Variants in PRPSAP1 observed in about 807,000 individuals in gnomAD.
PRPSAP1 encodes phosphoribosyl pyrophosphate synthetase associated protein 1, also known as phosphoribosyl pyrophosphate synthase-associated protein 1.
PRPSAP1 carries 31 observed loss-of-function variants against 39.4 expected under a neutral mutation model. The ratio of observed to expected loss-of-function variants is 0.79; its 90% CI spans 0.59 to 1.06. The LOEUF (loss-of-function observed/expected upper bound fraction) is 1.06, where lower values mean the gene tolerates loss of function less well. Among genes scored for constraint, PRPSAP1 ranks in the 50% least tolerant of loss-of-function variants. The pLI, the probability that PRPSAP1 is intolerant of heterozygous loss-of-function variation, is 0.00. For synonymous variants in PRPSAP1, 212 were observed against 192.6 expected, an observed-to-expected ratio of 1.10 and a Z score of -0.83; for missense variants, 430 against 511.6, an observed-to-expected ratio of 0.84 and a Z score of 1.54.
chr17:76,350,472 T>TA (rs1020100656), intron 1 of PRPSAP1, among the ~76,000 whole-genome samples: 3 of 151,518 alleles, frequency 2.0e-5, no homozygotes, highest in African/African-American at 7.3e-5. Context: ...TGGTACGTGC[T>TA]ATGACATGAG....
At position 76,353,717 on chromosome 17, in the gene PRPSAP1, G is replaced by A; in HGVS notation, c.-14C>T. ...CTTCTTGGGCATCGTCCGGCCCGCG[G>A]CGCGGTTACGACCGGCCCCGCGCGG... On this transcript the variant is annotated 5_prime_UTR_variant, in exon 1 of 10. Coordinates refer to ENST00000446526, the MANE Select transcript of PRPSAP1 (RefSeq NM_002766.3). The A allele has an allele frequency of 3.4e-6, 5 of 1,453,612 alleles. No homozygotes were observed. Among genetic ancestry groups the A allele is most frequent in the Non-Finnish European group, 4.5e-6 (5 of 1,110,992 alleles). 90.0% of individuals were successfully genotyped at this position (1,453,612 alleles called of 1,614,324 possible).
Position 76,311,834 on chromosome 17 carries a change from T to C in PRPSAP1, c.1000-134A>G, listed in dbSNP as rs774201780. The C allele has an allele frequency of 5.5e-4, 592 of 1,070,898 alleles. 3 individuals carry two copies. The highest frequency in any genetic ancestry group is 3.1e-4 in the Admixed American group (10 of 32,092). 66.3% of individuals were successfully genotyped at this position (1,070,898 alleles called of 1,614,324 possible). ...CTACAAAACCTTGTTCCACCGAGTA[T>C]AGTTTTTATAAACCAAAATTAACTA... On this transcript the variant is annotated intron_variant, in intron 9 of 9. Coordinates refer to ENST00000446526, the MANE Select transcript of PRPSAP1 (RefSeq NM_002766.3).
At position 76,313,846 on chromosome 17, in the gene PRPSAP1, A is replaced by G. The variant is rs757301871; in HGVS notation, c.827T>C (p.Val276Ala). The G allele has an allele frequency of 9.9e-6, 16 of 1,614,074 alleles. No individual in the cohort carries two copies. Among genetic ancestry groups the G allele is most frequent in the Admixed American group, 1.7e-5 (1 of 59,992 alleles). Residue 276 changes from valine to alanine, a missense_variant, in exon 8 of 10, where the codon GTT becomes GCT. Physicochemically the swap from Val to Ala is moderately conservative, Grantham distance 64 (BLOSUM62 0). Around this residue, in one of 2 missense-constraint regions of PRPSAP1, gnomAD observed 278 missense variants for 376.3 expected, o/e 0.74. Transcript: ENST00000446526. ...EKPPITVVGD[V>A]GGRIAIIVDD... Reference sequence around the variant, plus strand: ...CACGATGATTGCGATGCGGCCTCCAACATCTCCAACTACAGTTATCGGTGG... The same window carrying G: ...CACGATGATTGCGATGCGGCCTCCAGCATCTCCAACTACAGTTATCGGTGG...
At chr17:76,344,816 C>CA (rs1358413561) in intron 2 of PRPSAP1, 79 bp from the exon 3 acceptor site, 30 of 1,131,420 alleles carry the variant, frequency 2.7e-5, no homozygotes, top group Non-Finnish European at 3.4e-5. Flanking sequence ...AAAAGTACTT[C>CA]ATGCCGGGCG....
intron 3 of PRPSAP1, among the ~76,000 whole-genome samples, chr17:76,338,936 G>A (rs2071406191): frequency 6.6e-6 from 1 of 151,934 alleles, no homozygotes; most frequent in Admixed American, 6.6e-5. Flanking sequence ...GGGAGGCTCA[G>A]GCAGGAGAAT....
At chr17:76,344,845 A>T in intron 2 of PRPSAP1, 108 bp from the exon 3 acceptor site, 1 of 730,836 alleles carries the variant, frequency 1.4e-6, no homozygotes, top group East Asian at 2.6e-5. Flanking sequence ...CATGCCTGTA[A>T]TCCTAGCACT....
chr17:76,336,541 G>C (rs550299331), intron 3 of PRPSAP1, among the ~76,000 whole-genome samples: 38 of 151,030 alleles, frequency 2.5e-4, no homozygotes, highest in South Asian at 1.5e-3. Flanking sequence ...AGACCAGCCT[G>C]ACCAACATGG....
chr17:76,346,810 T>A (rs1214251321), intron 2 of PRPSAP1, among the ~76,000 whole-genome samples: 4 of 151,476 alleles, frequency 2.6e-5, no homozygotes, highest in Admixed American at 2.6e-4. Flanking sequence ...GCAGGAGAAT[T>A]GCTCGAACCT....
At chr17:76,344,092 T>C (rs2071469638) in intron 3 of PRPSAP1, among the ~76,000 whole-genome samples, 2 of 151,254 alleles carry the variant, frequency 1.3e-5, no homozygotes, top group South Asian at 4.2e-4. Context: ...TACAGGCGCA[T>C]GCCACCATGC....
chr17:76,322,862 T>C (rs950939664), intron 7 of PRPSAP1, among the ~76,000 whole-genome samples: 9 of 151,904 alleles, frequency 5.9e-5, no homozygotes, highest in Admixed American at 2.6e-4. Context: ...GGCACGTACC[T>C]GTGGTCCCAG....
intron 7 of PRPSAP1, among the ~76,000 whole-genome samples, chr17:76,325,233 T>C (rs1235970947): frequency 6.7e-6 from 1 of 150,256 alleles, no homozygotes; most frequent in Non-Finnish European, 1.5e-5. Flanking sequence ...CTCGGTGAAA[T>C]GCCGTCTCTA....
intron 4 of PRPSAP1, among the ~76,000 whole-genome samples, chr17:76,331,370 TG>T (rs2071320922): frequency 6.6e-6 from 1 of 152,206 alleles, no homozygotes; most frequent in Non-Finnish European, 1.5e-5. Flanking sequence ...TCTGGATCTA[TG>T]GGTTCCACGT....
Position 76,353,524 on chromosome 17 carries a change from G to T in PRPSAP1, c.170+10C>A, listed in dbSNP as rs1337493893. 2 of 1,485,824 alleles carry T rather than the reference G, an allele frequency of 1.3e-6. No homozygotes were observed. The highest frequency in any genetic ancestry group is 1.8e-6 in the Non-Finnish European group (2 of 1,117,680). 92.0% of individuals were successfully genotyped at this position (1,485,824 alleles called of 1,614,324 possible). A position where few individuals can be genotyped will look rare whatever the true frequency, so the allele number is the denominator to read the frequency against. ...CCGCCCCCGGCCCGGCCCTCCCACC[G>T]CCCCCTTACTCTGTGATGCGCTTGG... is the stretch of plus-strand genomic sequence containing the variant. On this transcript the variant is annotated intron_variant, in intron 1 of 9. Coordinates refer to ENST00000446526, the MANE Select transcript of PRPSAP1 (RefSeq NM_002766.3).
At position 76,351,990 on chromosome 17, in the gene PRPSAP1, T is replaced by C. The variant is rs148866941; in HGVS notation, c.170+1544A>G. Among the ~76,000 whole-genome samples, 12 of 151,514 alleles carry C rather than the reference T, an allele frequency of 7.9e-5. No individual in the cohort carries two copies. In the East Asian group the frequency reaches 2.1e-3, roughly 27 times the overall value. ...AAGACAAACAATCAGGGGTTAGAAA[T>C]AGAAACTAGGTAGTAGACTGCAAAA... On this transcript the variant is annotated intron_variant, in intron 1 of 9. Transcript: ENST00000446526.
rs112371960 is a variant in PRPSAP1, at chr17:76,331,241, C to T, written c.464-575G>A. ...AGAGGAAAAGGTACATATATATAAA[C>T]ACATTGCAAATGGTCAAAGGTCACA... is the stretch of plus-strand genomic sequence containing the variant. On this transcript the variant is annotated intron_variant, in intron 4 of 9. Coordinates refer to ENST00000446526, the MANE Select transcript of PRPSAP1 (RefSeq NM_002766.3). 9.5e-3 allele frequency among the ~76,000 whole-genome samples: 1,449 copies of T among 152,216 alleles called. 36 individuals carry two copies. The highest frequency in any genetic ancestry group is 0.033 in the African/African-American group (1,375 of 41,530).
In PRPSAP1 at chr17:76,312,870, C is replaced by T; in HGVS notation, c.999G>A (p.Glu333=). 6.2e-7 allele frequency: 1 copy of T among 1,605,908 alleles called. No homozygotes were observed. The highest frequency in any genetic ancestry group is 8.5e-7 in the Non-Finnish European group (1 of 1,177,604). The change falls in exon 9 of 10, where the codon GAG becomes GAA. Residue 333 remains glutamate (E), a splice_region_variant and synonymous_variant. Transcript: ENST00000446526. ...PRLIEESSVD[E]VVVTNTVPHE... The stretch of plus-strand genomic sequence containing the variant: ...GCTCAAGATTTAGAAGCAGCCTGAC[C>T]TCGTCTACGGAGGACTCCTCAATCA...
At position 76,353,886 on chromosome 17, in the gene PRPSAP1, C is replaced by T; in HGVS notation, c.-183G>A. 7.7e-7 allele frequency: 1 copy of T among 1,305,070 alleles called. No individual in the cohort carries two copies. Among genetic ancestry groups the T allele is most frequent in the Non-Finnish European group, 9.7e-7 (1 of 1,030,144 alleles). 80.8% of individuals were successfully genotyped at this position (1,305,070 alleles called of 1,614,324 possible). On this transcript the variant is annotated 5_prime_UTR_variant, in exon 1 of 10. Coordinates refer to ENST00000446526, the MANE Select transcript of PRPSAP1 (RefSeq NM_002766.3). ...GACTACAGCGGCCGAGCCTTCGCAG[C>T]GCCCGGCGCCGCCGCCTCAGAGCCA...
intron 7 of PRPSAP1, 144 bp downstream of exon 7, chr17:76,328,573 C>T (rs2071278637): frequency 9.4e-7 from 1 of 1,059,646 alleles, no homozygotes; most frequent in South Asian, 1.6e-5. Flanking sequence ...CACGCCACTG[C>T]ACTCTAGCCT....
chr17:76,317,509 C>T lies in PRPSAP1; in HGVS notation c.782-3618G>A, dbSNP rs539642400. On this transcript the variant is annotated intron_variant, in intron 7 of 9. Coordinates refer to ENST00000446526, the MANE Select transcript of PRPSAP1 (RefSeq NM_002766.3). ...CTGCACTCTAGCCTGGGTGACAGAA[C>T]GAGACTCCATCTCAGAAAAATAAAT... 6.6e-5 allele frequency among the ~76,000 whole-genome samples: 10 copies of T among 152,162 alleles called. No individual in the cohort carries two copies. In the East Asian group the frequency reaches 9.7e-4, roughly 15 times the overall value.
Sources: allele counts gnomAD v4.1 joint callset (sites outside exome capture counted in the v4.1 genomes callset), GRCh38; gene constraint gnomAD v4.1.1; regional missense constraint gnomAD v4.1.1; transcripts MANE v1.5; gene names NCBI Gene and HGNC (gene_info 2026-07-23, HGNC 2026-07-21).